DENND1B: variants seen among roughly 807,000 people sequenced by gnomAD.
The protein encoded by DENND1B is DENN domain containing 1B, also known as DENN domain-containing protein 1B.
In DENND1B, 59 loss-of-function variants were observed where a neutral mutation model predicts 90.1. That is an observed-to-expected ratio of 0.65 (90% CI 0.53 to 0.81). The LOEUF is 0.81. Ranked by LOEUF, DENND1B falls within the 40% of genes least tolerant of loss-of-function variation. The pLI, the probability that DENND1B is intolerant of heterozygous loss-of-function variation, is 0.00. For synonymous variants in DENND1B, 337 were observed against 324.6 expected (o/e 1.04, Z -0.41); for missense variants, 862 against 912.6 (o/e 0.94, Z 0.71).
intron 3 of DENND1B, among the ~76,000 whole-genome samples, chr1:197,697,553 A>G (rs558491176): frequency 5.3e-5 from 8 of 151,828 alleles, no homozygotes; most frequent in African/African-American, 1.9e-4. Context: ...ATCACCTTCT[A>G]TGTACTCCTC....
chr1:197,707,374 T>C (rs529368136), intron 3 of DENND1B, among the ~76,000 whole-genome samples: 1 of 151,924 alleles, frequency 6.6e-6, no homozygotes, highest in Non-Finnish European at 1.5e-5. Flanking sequence ...GTGATTATAA[T>C]TAACAAGAAT....
At chr1:197,764,456 T>C (rs1318875593) in intron 2 of DENND1B, among the ~76,000 whole-genome samples, 1 of 152,194 alleles carries the variant, frequency 6.6e-6, no homozygotes, top group African/African-American at 2.4e-5. Flanking sequence ...GCTCATTAAC[T>C]AGGAACTTTA....
chr1:197,620,065 A>G (rs1212234042), intron 10 of DENND1B, among the ~76,000 whole-genome samples: 1 of 151,358 alleles, frequency 6.6e-6, no homozygotes, highest in Non-Finnish European at 1.5e-5. Flanking sequence ...TAGAATTATA[A>G]GGAATCTGCT....
At chr1:197,676,555 A>G (rs1572284775) in intron 3 of DENND1B, among the ~76,000 whole-genome samples, 1 of 152,172 alleles carries the variant, frequency 6.6e-6, no homozygotes, top group East Asian at 1.9e-4. Context: ...GCATTTAAAG[A>G]AAACAAGAAA....
chr1:197,553,151 AAT>A (rs748014122), intron 15 of DENND1B, 39 bp from the exon 16 acceptor site: 1 of 1,432,872 alleles, frequency 7.0e-7, no homozygotes, highest in Non-Finnish European at 9.4e-7. Flanking sequence ...TATCAAATAA[AAT>A]GTTATCCAAT....
chr1:197,543,645 A>G (rs750004833), intron 18 of DENND1B, among the ~76,000 whole-genome samples: 9 of 152,172 alleles, frequency 5.9e-5, no homozygotes, highest in Non-Finnish European at 1.2e-4. Context: ...TAGGAAAGCC[A>G]TAGAACAACC....
At chr1:197,628,679 A>G (rs1044055376) in intron 10 of DENND1B, among the ~76,000 whole-genome samples, 2 of 152,152 alleles carry the variant, frequency 1.3e-5, no homozygotes, top group African/African-American at 2.4e-5. Flanking sequence ...GACAAATGGG[A>G]TCTAATTAAA....
intron 9 of DENND1B, 37 bp from the exon 10 acceptor site, chr1:197,642,858 C>T: frequency 1.4e-6 from 2 of 1,464,010 alleles, no homozygotes; most frequent in South Asian, 1.2e-5. Context: ...AGTTACAGCT[C>T]ATAGTGAATG....
chr1:197,510,684 CT>C lies in DENND1B; in HGVS notation c.2103del (p.Glu702LysfsTer6). On this transcript the variant is annotated frameshift_variant, in exon 23 of 23. Transcript: ENST00000620048. LOFTEE classifies it low-confidence loss of function (END_TRUNC). Reference sequence around the variant, plus strand: ...ATCTGGCTTAGTGTTTCCCTCTTTTCTGTTTTTCCTTTATCAGTCTGGGAAA... The same window carrying C: ...ATCTGGCTTAGTGTTTCCCTCTTTTCGTTTTTCCTTTATCAGTCTGGGAAA... ...PEVSQTDKGK[T>X]EKRETLSQIS... The C allele has an allele frequency of 6.2e-7, 1 of 1,612,764 alleles. No individual in the cohort carries two copies. Among genetic ancestry groups the C allele is most frequent in the Non-Finnish European group, 8.5e-7 (1 of 1,179,210 alleles).
At chr1:197,751,968 G>GAGGAGA (rs201819958) in intron 2 of DENND1B, among the ~76,000 whole-genome samples, 1 of 107,188 alleles carries the variant, frequency 9.3e-6, no homozygotes, top group East Asian at 3.3e-4. Flanking sequence ...GGGGGAGGAG[G>GAGGAGA]AGGAGAAGGA....
intron 2 of DENND1B, among the ~76,000 whole-genome samples, chr1:197,744,829 G>C (rs1663553909): frequency 2.0e-5 from 3 of 152,200 alleles, no homozygotes; most frequent in Non-Finnish European, 4.4e-5. Context: ...CTGAAAATCA[G>C]TTGTTTAATG....
intron 2 of DENND1B, among the ~76,000 whole-genome samples, chr1:197,717,980 A>G (rs1351204493): frequency 2.0e-5 from 3 of 152,010 alleles, no homozygotes; most frequent in African/African-American, 7.2e-5. Flanking sequence ...TATAATATAC[A>G]ATATTAGTAT....
intron 5 of DENND1B, among the ~76,000 whole-genome samples, chr1:197,671,293 C>A (rs1655476769): frequency 6.6e-6 from 1 of 152,096 alleles, no homozygotes; most frequent in Non-Finnish European, 1.5e-5. Context: ...AGAATGCTAA[C>A]CTTTAGAACC....
intron 14 of DENND1B, among the ~76,000 whole-genome samples, chr1:197,588,535 C>T (rs999902460): frequency 1.1e-4 from 17 of 152,192 alleles, no homozygotes; most frequent in African/African-American, 3.1e-4. Context: ...TATTCAGTTC[C>T]TTAATGCACC....
chr1:197,749,079 T>C (rs1171547165), intron 2 of DENND1B, among the ~76,000 whole-genome samples: 2 of 151,930 alleles, frequency 1.3e-5, no homozygotes, highest in African/African-American at 4.8e-5. Flanking sequence ...TACAGAATAA[T>C]TGAAACTGTA....
intron 10 of DENND1B, among the ~76,000 whole-genome samples, chr1:197,622,385 A>G (rs1368035889): frequency 2.0e-5 from 3 of 151,380 alleles, no homozygotes; most frequent in African/African-American, 7.3e-5. Flanking sequence ...GCCAGGATAC[A>G]ACTGGAGGCA....
In DENND1B at chr1:197,759,768, C is replaced by G. The variant is rs1012787252; in HGVS notation, c.82+13100G>C. 3.4e-5 allele frequency among the ~76,000 whole-genome samples: 4 copies of G among 116,066 alleles called. No individual in the cohort carries two copies. In the East Asian group the frequency reaches 7.0e-4, roughly 20 times the overall value. The allele number at this position is 116,066 out of a possible 152,430, so 76.1% of individuals were successfully genotyped here. ...AAAAAAAAAAAAAAAAAAAAAAAAG[C>G]ATGCGGGAGGAAGATACCTCTTAGA... On this transcript the variant is annotated intron_variant, in intron 2 of 22. Coordinates refer to ENST00000620048, the MANE Select transcript of DENND1B (RefSeq NM_001195215.2).
intron 2 of DENND1B, among the ~76,000 whole-genome samples, chr1:197,745,120 A>G (rs1361513724): frequency 1.3e-5 from 2 of 152,206 alleles, no homozygotes; most frequent in Non-Finnish European, 2.9e-5. Context: ...CCAGACCACT[A>G]AAACTTTCTC....
intron 12 of DENND1B, among the ~76,000 whole-genome samples, chr1:197,610,035 A>G (rs1677040082): frequency 6.6e-6 from 1 of 150,840 alleles, no homozygotes; most frequent in Non-Finnish European, 1.5e-5. Context: ...ATCTTGTAAT[A>G]GATTAACAAG....
Sources: allele counts gnomAD v4.1 joint callset (sites outside exome capture counted in the v4.1 genomes callset), GRCh38; gene constraint gnomAD v4.1.1; transcripts MANE v1.5; gene names NCBI Gene and HGNC (gene_info 2026-07-23, HGNC 2026-07-21).